USP7: variants seen among roughly 807,000 people sequenced by gnomAD.
The protein encoded by USP7 is ubiquitin C-terminal hydrolase 7.
A neutral mutation model predicts 162.9 loss-of-function variants in USP7; 9 were observed. The observed-to-expected ratio is 0.06, with a 90% confidence interval of 0.03 to 0.10. The LOEUF is 0.10. Among genes scored for constraint, USP7 ranks in the 10% least tolerant of loss-of-function variants. USP7 has a pLI of 1.00. For missense variants in USP7, 715 were observed against 1,373.7 expected, an observed-to-expected ratio of 0.52 and a Z score of 7.58; for synonymous variants, 562 against 475.9, an observed-to-expected ratio of 1.18 and a Z score of -2.35.
rs1181610181 is a variant in USP7 at position 8,911,646 on chromosome 16, C to T, written c.1079-819G>A. Among the ~76,000 whole-genome samples the T allele has an allele frequency of 4.6e-5, 7 of 152,196 alleles. No individual in the cohort carries two copies. The South Asian group carries it at 1.4e-3, about 31-fold the overall frequency. On this transcript the variant is annotated intron_variant, in intron 10 of 30. Coordinates refer to ENST00000344836, the MANE Select transcript of USP7 (RefSeq NM_003470.3). ...TCTGCTGAAAGTTTACAGGCTGCAG[C>T]CCGGAGAAGGCAAACCCAGACAGAG...
chr16:8,899,532 A>G, intron 22 of USP7, 72 bp downstream of exon 22: 1 of 1,574,468 alleles, frequency 6.4e-7, no homozygotes, highest in South Asian at 1.1e-5. Flanking sequence ...AGCTTCTTCA[A>G]CAAGCATTTT....
intron 29 of USP7, 53 bp downstream of exon 29, chr16:8,894,731 G>A: frequency 6.2e-7 from 1 of 1,613,230 alleles, no homozygotes; most frequent in African/African-American, 1.3e-5. Context: ...GCTACGCTAG[G>A]CAAGGCTTGA....
At chr16:8,917,280 G>A in intron 6 of USP7, 124 bp from the exon 7 acceptor site, 1 of 1,200,944 alleles carries the variant, frequency 8.3e-7, no homozygotes, top group Non-Finnish European at 1.1e-6. Context: ...TAAGGTTGTT[G>A]TTAGGGCTTT....
At chr16:8,925,369 A>G (rs575666728) in intron 2 of USP7, among the ~76,000 whole-genome samples, 24 of 152,342 alleles carry the variant, frequency 1.6e-4, no homozygotes, top group African/African-American at 5.1e-4. Flanking sequence ...CACAGAAGCA[A>G]CCAAATGGAA....
intron 2 of USP7, among the ~76,000 whole-genome samples, chr16:8,926,583 A>G (rs1319141273): frequency 6.6e-6 from 1 of 152,254 alleles, no homozygotes; most frequent in East Asian, 1.9e-4. Flanking sequence ...ACGAGGAATT[A>G]CATGAGACTC....
intron 12 of USP7, among the ~76,000 whole-genome samples, chr16:8,907,628 G>C (rs1446698323): frequency 6.6e-6 from 1 of 152,132 alleles, no homozygotes; most frequent in South Asian, 2.1e-4. Context: ...GGCTGAGGCC[G>C]GCAGATCACT....
chr16:8,908,247 G>T, intron 12 of USP7, 94 bp downstream of exon 12: 1 of 987,892 alleles, frequency 1.0e-6, no homozygotes, highest in Non-Finnish European at 1.6e-6. Context: ...TCAGATGTGG[G>T]ACTGAAAATA....
chr16:8,903,237 G>T lies in USP7; in HGVS notation c.1839+31C>A. The T allele has an allele frequency of 1.3e-6, 2 of 1,593,390 alleles. 1 individual carries two copies. Among genetic ancestry groups the T allele is most frequent in the South Asian group, 2.2e-5 (2 of 88,898 alleles). On this transcript the variant is annotated intron_variant, in intron 16 of 30. Transcript: ENST00000344836. ...AAGGAAGGTGGACGTTGGGAGCCAC[G>T]GTGGGGTATATCCACGGGACCGGTA...
chr16:8,926,509 A>G (rs895940863), intron 2 of USP7, among the ~76,000 whole-genome samples: 2 of 152,078 alleles, frequency 1.3e-5, no homozygotes, highest in African/African-American at 4.8e-5. Context: ...AGGAGGGCCA[A>G]AAAAAAGGAG....
intron 7 of USP7, 72 bp from the exon 8 acceptor site, chr16:8,916,628 T>C (rs1283241716): frequency 2.1e-6 from 3 of 1,438,402 alleles, no homozygotes; most frequent in East Asian, 2.3e-5. Context: ...GTAACTTAGA[T>C]TGAAAACCTA....
intron 17 of USP7, 37 bp from the exon 18 acceptor site, chr16:8,902,224 A>T (rs929211393): frequency 6.2e-7 from 1 of 1,606,050 alleles, no homozygotes; most frequent in Non-Finnish European, 8.5e-7. Context: ...AGAAGAGTCT[A>T]ATGGCTTAGG....
At chr16:8,896,917 T>C (rs1377533810) in intron 26 of USP7, 82 bp downstream of exon 26, 2 of 1,075,682 alleles carry the variant, frequency 1.9e-6, no homozygotes, top group East Asian at 2.4e-5. Flanking sequence ...AGCTGGGTGA[T>C]TTCCACCAAC....
At chr16:8,959,308 A>G (rs1899917257) in intron 1 of USP7, among the ~76,000 whole-genome samples, 1 of 151,674 alleles carries the variant, frequency 6.6e-6, no homozygotes. Flanking sequence ...CTGTTATACC[A>G]TGAATTTTTA....
chr16:8,918,034 C>A (rs372724392), intron 6 of USP7, among the ~76,000 whole-genome samples: 1 of 152,280 alleles, frequency 6.6e-6, no homozygotes, highest in South Asian at 2.1e-4. Context: ...TCATGATCCG[C>A]CCGCCTCGGC....
At chr16:8,945,988 C>A (rs1218353956) in intron 1 of USP7, among the ~76,000 whole-genome samples, 2 of 152,108 alleles carry the variant, frequency 1.3e-5, no homozygotes, top group Admixed American at 1.3e-4. Context: ...GGCAAAGGAA[C>A]GGACAGGGGA....
chr16:8,945,960 A>T (rs540745289), intron 1 of USP7, among the ~76,000 whole-genome samples: 1 of 152,178 alleles, frequency 6.6e-6, no homozygotes, highest in Non-Finnish European at 1.5e-5. Flanking sequence ...AAGCTTCCAT[A>T]ATCAAGACAG....
intron 1 of USP7, among the ~76,000 whole-genome samples, chr16:8,955,109 ATTCTTTTAT>A: frequency 6.6e-6 from 1 of 152,368 alleles, no homozygotes; most frequent in Non-Finnish European, 1.5e-5. Flanking sequence ...AGTTTCTGCA[ATTCTTTTAT>A]TTCTTCCCAC....
At chr16:8,895,284 C>G (rs2061664146) in intron 27 of USP7, 134 bp from the exon 28 acceptor site, 3 of 1,383,108 alleles carry the variant, frequency 2.2e-6, no homozygotes, top group African/African-American at 1.4e-5. Flanking sequence ...CACCTGGATC[C>G]AGCCAGAGTG....
intron 13 of USP7, among the ~76,000 whole-genome samples, chr16:8,906,214 TA>T (rs1377584736): frequency 1.3e-5 from 2 of 152,218 alleles, no homozygotes; most frequent in African/African-American, 4.8e-5. Flanking sequence ...CAACATTGAT[TA>T]CTCACAAAGA....
Sources: gnomAD v4.1 joint callset for allele counts (sites outside exome capture counted in the v4.1 genomes callset) on GRCh38, gnomAD v4.1.1 for gene constraint, MANE v1.5 for transcripts, NCBI Gene and HGNC (gene_info 2026-07-23, HGNC 2026-07-21) for gene names.